FAM120B: variants seen among roughly 807,000 people sequenced by gnomAD.
FAM120B encodes the protein family with sequence similarity 120 member B, also known as constitutive coactivator of peroxisome proliferator-activated receptor gamma.
FAM120B carries 83 observed loss-of-function variants against 96.3 expected under a neutral mutation model. The ratio of observed to expected loss-of-function variants is 0.86; its 90% CI spans 0.72 to 1.03. The LOEUF (loss-of-function observed/expected upper bound fraction) is 1.03. Among genes scored for constraint, FAM120B ranks in the 50% least tolerant of loss-of-function variants. The pLI is 0.00. For missense variants in FAM120B, 1,027 were observed against 1,121.2 expected, an observed-to-expected ratio of 0.92 and a Z score of 1.20; for synonymous variants, 407 against 402.7, an observed-to-expected ratio of 1.01 and a Z score of -0.13.
In FAM120B at chr6:170,363,547, C is replaced by G. The variant is rs1408907091; in HGVS notation, c.2283+5229C>G. ...GTTAACATAGAGTGTGATGACTGAT[C>G]ATTGTCTATGCCAGTAGCAGCTTTT... On this transcript the variant is annotated intron_variant, in intron 6 of 10. Coordinates refer to ENST00000476287, the MANE Select transcript of FAM120B (RefSeq NM_032448.3). This position sits in a 1 kb window ranked among gnomAD's most constrained non-coding sequence, Gnocchi z 4.5. Among the ~76,000 whole-genome samples the G allele has an allele frequency of 1.3e-5, 2 of 152,232 alleles. No homozygotes were observed. The highest frequency in any genetic ancestry group is 4.8e-5 in the African/African-American group (2 of 41,468).
intron 1 of FAM120B, among the ~76,000 whole-genome samples, chr6:170,313,302 T>C (rs553496416): frequency 6.6e-6 from 1 of 152,294 alleles, no homozygotes; most frequent in Non-Finnish European, 1.5e-5. Context: ...TTTCACTTTT[T>C]AGGCGGGGGA....
In FAM120B at chr6:170,351,513, A is replaced by G. The variant is rs531759005; in HGVS notation, c.2190+3190A>G. 2.0e-3 allele frequency among the ~76,000 whole-genome samples: 305 copies of G among 152,298 alleles called. 12 individuals are homozygous for G. The highest frequency in any genetic ancestry group is 2.0e-3 in the Non-Finnish European group (138 of 68,018). ...ATAATCATCAGATTCTCCAGGTTGA[A>G]ATGAAAGAAAAAATGTTAAGGGCAG... On this transcript the variant is annotated intron_variant, in intron 5 of 10. Transcript: ENST00000476287.
intron 5 of FAM120B, among the ~76,000 whole-genome samples, chr6:170,357,470 C>A (rs1788027318): frequency 6.6e-6 from 1 of 152,186 alleles, no homozygotes; most frequent in Non-Finnish European, 1.5e-5. Context: ...TCCTCTGTCC[C>A]TCCTTCCTTT....
At chr6:170,339,151 G>T (rs1234029519) in intron 4 of FAM120B, among the ~76,000 whole-genome samples, 1 of 152,112 alleles carries the variant, frequency 6.6e-6, no homozygotes, top group African/African-American at 2.4e-5. Flanking sequence ...GCTGGTACCA[G>T]TTTTTTCTTT....
rs140221505 is a variant in FAM120B at position 170,393,176 on chromosome 6, G to A, written c.2599+2055G>A. On this transcript the variant is annotated intron_variant, in intron 8 of 10. Transcript: ENST00000476287. ...AAAAAAAAAAAAAAAAGTCTGCACT[G>A]CATACACAGTCCTGCAGGGTTCCCT... Among the ~76,000 whole-genome samples the A allele has an allele frequency of 4.3e-3, 634 of 147,178 alleles. 5 individuals are homozygous for A. The highest frequency in any genetic ancestry group is 0.014 in the Middle Eastern group (4 of 280).
rs773946185 is a variant in FAM120B at position 170,318,528 on chromosome 6, T to C, written c.1138T>C (p.Cys380Arg). The C allele has an allele frequency of 1.0e-5, 15 of 1,473,632 alleles. No homozygotes were observed. The highest frequency in any genetic ancestry group is 1.3e-5 in the Non-Finnish European group (14 of 1,093,508). 91.3% of individuals were successfully genotyped at this position (1,473,632 alleles called of 1,614,324 possible). A position where few individuals can be genotyped will look rare whatever the true frequency, so the allele number is the denominator to read the frequency against. ...DSEPRQEVPM[C>R]SDPEPRQEVP... Reference sequence around the variant, plus strand: ...TGAACCCAGGCAAGAAGTTCCCATGTGTTCAGACCCTGAACCCAGGCAAGA... The same window carrying C: ...TGAACCCAGGCAAGAAGTTCCCATGCGTTCAGACCCTGAACCCAGGCAAGA... Residue 380 changes from cysteine (C) to arginine (R), a missense_variant, in exon 2 of 11, where the codon TGT (cysteine) becomes CGT (arginine). Around this residue, in one of 3 missense-constraint regions of FAM120B, gnomAD observed 880 missense variants for 980.9 expected, o/e 0.90. Coordinates refer to ENST00000476287, the MANE Select transcript of FAM120B (RefSeq NM_032448.3).
chr6:170,316,889 C>A (rs1322240359), intron 1 of FAM120B, among the ~76,000 whole-genome samples: 1 of 152,210 alleles, frequency 6.6e-6, no homozygotes, highest in Admixed American at 6.5e-5. Context: ...CATAACTCTT[C>A]CTGTACTAGA....
In FAM120B at chr6:170,301,213, C is replaced by T. The variant is rs143254621; in HGVS notation, c.48+5760C>T. Among the ~76,000 whole-genome samples, 1,130 of 152,352 alleles carry T rather than the reference C, an allele frequency of 7.4e-3. 5 individuals carry two copies. Among genetic ancestry groups the T allele is most frequent in the Middle Eastern group, 0.014 (4 of 294 alleles). ...CCCAAACCTCTGTTCTTGTCTTTGGCGCACCAGCAGGACCAATACCACATG... is the reference window on the plus strand; with the variant it reads ...CCCAAACCTCTGTTCTTGTCTTTGGTGCACCAGCAGGACCAATACCACATG... On this transcript the variant is annotated intron_variant, in intron 1 of 10. Transcript: ENST00000537664.
At chr6:170,333,667 G>A (rs1786219109) in intron 4 of FAM120B, among the ~76,000 whole-genome samples, 1 of 151,988 alleles carries the variant, frequency 6.6e-6, no homozygotes, top group Admixed American at 6.6e-5. Context: ...TGTATTTTTA[G>A]TAGAGTCTGG....
At chr6:170,393,866 C>T (rs1302853923) in intron 8 of FAM120B, among the ~76,000 whole-genome samples, 5 of 152,012 alleles carry the variant, frequency 3.3e-5, no homozygotes, top group Non-Finnish European at 4.4e-5. Flanking sequence ...TCCTGACTGC[C>T]GTTGTCTGCT....
At chr6:170,304,979 C>G (rs1050983435), upstream of FAM120B, among the ~76,000 whole-genome samples, 3 of 152,086 alleles carry the variant, frequency 2.0e-5, no homozygotes, top group Non-Finnish European at 4.4e-5. Context: ...TCTGGTGAGG[C>G]CTCTCTTCTG....
chr6:170,358,943 C>T (rs1170408194), intron 6 of FAM120B, among the ~76,000 whole-genome samples: 2 of 152,220 alleles, frequency 1.3e-5, no homozygotes, highest in Non-Finnish European at 1.5e-5. Context: ...GTTAGAATAT[C>T]CCAAGGTCAA....
At chr6:170,323,590 G>A (rs983206197) in intron 3 of FAM120B, among the ~76,000 whole-genome samples, 2 of 152,168 alleles carry the variant, frequency 1.3e-5, no homozygotes, top group African/African-American at 4.8e-5. Flanking sequence ...GTAGGGGAGA[G>A]TAGAGTATGC....
intron 1 of FAM120B, among the ~76,000 whole-genome samples, chr6:170,300,123 C>T (rs553964687): frequency 6.6e-6 from 1 of 152,274 alleles, no homozygotes; most frequent in African/African-American, 2.4e-5. Context: ...CTAATAAAGA[C>T]ATACTTGAGA....
chr6:170,377,396 G>C (rs1364517002), intron 6 of FAM120B, among the ~76,000 whole-genome samples: 99 of 98,760 alleles, frequency 1.0e-3, no homozygotes, highest in African/African-American at 3.8e-3. Context: ...ACGCTGCTCG[G>C]TGCTGTGCAC....
upstream of FAM120B, among the ~76,000 whole-genome samples, chr6:170,305,021 C>A (rs890529261): frequency 2.0e-5 from 3 of 152,084 alleles, no homozygotes; most frequent in Admixed American, 2.0e-4. Flanking sequence ...TGTATCCTCA[C>A]ACGGTGGAAA....
intron 9 of FAM120B, among the ~76,000 whole-genome samples, chr6:170,400,741 C>G (rs550579516): frequency 6.6e-6 from 1 of 152,184 alleles, no homozygotes; most frequent in African/African-American, 2.4e-5. Context: ...AGAGTTTTTT[C>G]TGTTAAAAAT....
At chr6:170,294,763 A>G (rs2114973303), upstream of FAM120B, among the ~76,000 whole-genome samples, 1 of 152,328 alleles carries the variant, frequency 6.6e-6, no homozygotes, top group Non-Finnish European at 1.5e-5. The surrounding 1 kb of genome is among the most constrained non-coding windows in gnomAD (Gnocchi z 7.9). Flanking sequence ...GAATAGGCTC[A>G]GACTCTAGGC....
chr6:170,356,473 T>C (rs1167768381), intron 5 of FAM120B, among the ~76,000 whole-genome samples: 2 of 152,188 alleles, frequency 1.3e-5, no homozygotes, highest in Non-Finnish European at 2.9e-5. Flanking sequence ...TTTTGATGTG[T>C]AATATGGGAT....
Sources: allele counts gnomAD v4.1 joint callset (sites outside exome capture counted in the v4.1 genomes callset), GRCh38; gene constraint gnomAD v4.1.1; regional missense constraint gnomAD v4.1.1; non-coding constraint Gnocchi (gnomAD v3.1); transcripts MANE v1.5; gene names NCBI Gene and HGNC (gene_info 2026-07-23, HGNC 2026-07-21).